CALN1: variants seen among roughly 807,000 people sequenced by gnomAD.
CALN1 encodes the protein calcium-binding protein 8.
Under a neutral mutation model 30.6 loss-of-function variants are expected in CALN1, and 17 were observed. The observed-to-expected ratio is 0.56, with a 90% confidence interval of 0.38 to 0.83. The LOEUF (loss-of-function observed/expected upper bound fraction) is 0.83. Among genes scored for constraint, CALN1 ranks in the 40% least tolerant of loss-of-function variants. CALN1 has a pLI of 0.00. For synonymous variants in CALN1, 156 were observed against 131.4 expected (o/e 1.19, Z -1.28); for missense variants, 291 against 354.9 (o/e 0.82, Z 1.45).
At chr7:72,298,608 C>G (rs566693734) in intron 2 of CALN1, among the ~76,000 whole-genome samples, 1 of 152,120 alleles carries the variant, frequency 6.6e-6, no homozygotes, top group Non-Finnish European at 1.5e-5. Context: ...TGCCCATTAT[C>G]TATTAGTCTA....
intron 2 of CALN1, among the ~76,000 whole-genome samples, chr7:72,328,143 T>TA (rs1410464074): frequency 2.0e-5 from 3 of 152,094 alleles, no homozygotes; most frequent in Admixed American, 1.3e-4. Flanking sequence ...CTTTCATCGC[T>TA]AAAAAATGTC....
intron 2 of CALN1, among the ~76,000 whole-genome samples, chr7:72,359,514 G>A (rs1256736556): frequency 6.6e-6 from 1 of 152,124 alleles, no homozygotes; most frequent in Non-Finnish European, 1.5e-5. Context: ...TAGGTCACAT[G>A]TACATATAGT....
intron 5 of CALN1, among the ~76,000 whole-genome samples, chr7:71,816,460 C>T (rs969168339): frequency 2.6e-5 from 4 of 152,048 alleles, no homozygotes; most frequent in African/African-American, 9.7e-5. Context: ...ACCAAGACCC[C>T]CTGCCATGAT....
intron 2 of CALN1, among the ~76,000 whole-genome samples, chr7:72,396,656 C>G (rs1003532962): frequency 6.6e-6 from 1 of 152,008 alleles, no homozygotes; most frequent in Non-Finnish European, 1.5e-5. Context: ...AAAGACAGAG[C>G]TGAATGTAGA....
intron 3 of CALN1, among the ~76,000 whole-genome samples, chr7:72,255,028 T>C (rs1404944839): frequency 1.3e-5 from 2 of 152,166 alleles, no homozygotes; most frequent in African/African-American, 4.8e-5. Context: ...CTTGACCTCA[T>C]GATCCACCCA....
At chr7:71,836,559 T>C (rs1242255979) in intron 5 of CALN1, among the ~76,000 whole-genome samples, 1 of 152,084 alleles carries the variant, frequency 6.6e-6, no homozygotes, top group African/African-American at 2.4e-5. Flanking sequence ...CAGGAACTGT[T>C]TCTGGCTCAC....
chr7:71,896,739 C>T (rs542927407), intron 5 of CALN1, among the ~76,000 whole-genome samples: 164 of 152,262 alleles, frequency 1.1e-3, no homozygotes, highest in South Asian at 6.8e-3. Context: ...GCTGGGCACA[C>T]GTCTTTGTTC....
At chr7:71,819,618 C>T (rs1788478918) in intron 5 of CALN1, among the ~76,000 whole-genome samples, 1 of 152,154 alleles carries the variant, frequency 6.6e-6, no homozygotes, top group African/African-American at 2.4e-5. Flanking sequence ...ACTTTGTACA[C>T]TATTATTAAT....
At chr7:72,159,905 A>T (rs578232828) in intron 3 of CALN1, among the ~76,000 whole-genome samples, 1 of 152,378 alleles carries the variant, frequency 6.6e-6, no homozygotes, top group South Asian at 2.1e-4. Context: ...GATATCTCTG[A>T]AGTCTGTGAC....
intron 5 of CALN1, among the ~76,000 whole-genome samples, chr7:71,967,302 T>A (rs1242075602): frequency 6.6e-6 from 1 of 151,902 alleles, no homozygotes; most frequent in African/African-American, 2.4e-5. Flanking sequence ...ACACGAGATA[T>A]AATATGGCAG....
Position 72,424,394 on chromosome 7 carries a change from C to T in CALN1, c.-225-12119G>A, listed in dbSNP as rs545835588. 1.3e-3 allele frequency among the ~76,000 whole-genome samples: 203 copies of T among 152,258 alleles called. 2 individuals carry two copies. The Middle Eastern group carries it at 0.024, about 18-fold the overall frequency. The stretch of plus-strand genomic sequence containing the variant: ...ACATTTTAAAATTTTAAAGTTTAAA[C>T]TTTCTAGAACTGGGGACTAAAATGT... On this transcript the variant is annotated intron_variant, in intron 1 of 6. Transcript: ENST00000395276.
intron 3 of CALN1, among the ~76,000 whole-genome samples, chr7:72,166,401 G>A (rs954872679): frequency 1.3e-5 from 2 of 152,110 alleles, no homozygotes; most frequent in African/African-American, 2.4e-5. Flanking sequence ...TGTTGCCCAG[G>A]CTGGTCTTGA....
chr7:72,397,714 T>A (rs61402201), intron 2 of CALN1, among the ~76,000 whole-genome samples: 11,196 of 142,862 alleles, frequency 0.078, 524 homozygotes, highest in African/African-American at 0.12. Context: ...CCATTCTCTC[T>A]CACACACACA....
Position 71,960,400 on chromosome 7 carries a change from C to T in CALN1, c.501+63257G>A, listed in dbSNP as rs114481317. 3.9e-3 allele frequency among the ~76,000 whole-genome samples: 590 copies of T among 152,120 alleles called. 5 individuals carry two copies. The highest frequency in any genetic ancestry group is 0.013 in the African/African-American group (560 of 41,488). On this transcript the variant is annotated intron_variant, in intron 5 of 6. Transcript: ENST00000395275. ...ATCCATCTGTACCCATTGTTTAGCT[C>T]GCATTTGTAAGTGAGAACATGTGGT...
At chr7:72,000,671 AG>A (rs1268956799) in intron 5 of CALN1, among the ~76,000 whole-genome samples, 5 of 152,226 alleles carry the variant, frequency 3.3e-5, no homozygotes, top group Admixed American at 3.3e-4. Context: ...TAAAAGAAAT[AG>A]AAACACTTAC....
intron 3 of CALN1, among the ~76,000 whole-genome samples, chr7:72,157,152 A>G (rs1585056782): frequency 6.6e-6 from 1 of 152,324 alleles, no homozygotes; most frequent in East Asian, 1.9e-4. Context: ...TGACATGGGA[A>G]CTACTGGTCA....
intron 3 of CALN1, among the ~76,000 whole-genome samples, chr7:72,273,834 C>T (rs1797165546): frequency 6.6e-6 from 1 of 151,912 alleles, no homozygotes; most frequent in Admixed American, 6.6e-5. Flanking sequence ...CCTTACAAAC[C>T]TTGTTTACTG....
At chr7:72,225,841 T>C (rs952823959) in intron 3 of CALN1, among the ~76,000 whole-genome samples, 1 of 152,152 alleles carries the variant, frequency 6.6e-6, no homozygotes, top group Non-Finnish European at 1.5e-5. Context: ...ATCAGGCCTG[T>C]AATCCCAGCA....
chr7:71,933,118 C>T (rs988849769), intron 5 of CALN1, among the ~76,000 whole-genome samples: 29 of 151,868 alleles, frequency 1.9e-4, no homozygotes, highest in Non-Finnish European at 1.2e-4. Flanking sequence ...TGGGTGAATG[C>T]CATCAAGAAA....
Sources: gnomAD v4.1 joint callset for allele counts (sites outside exome capture counted in the v4.1 genomes callset) on GRCh38, gnomAD v4.1.1 for gene constraint, MANE v1.5 for transcripts, NCBI Gene and HGNC (gene_info 2026-07-23, HGNC 2026-07-21) for gene names.